Variants in ACTN1 observed in about 807,000 individuals in gnomAD.
ACTN1 encodes the protein actinin alpha 1.
ACTN1 carries 30 observed loss-of-function variants against 119.6 expected under a neutral mutation model. The observed-to-expected ratio is 0.25, with a 90% confidence interval of 0.19 to 0.34. The LOEUF is 0.34. ACTN1 is among the 10% of genes least tolerant of loss of function. The probability of loss-of-function intolerance (pLI) is 1.00; values close to 1 mark genes in which losing one functional copy is unlikely to be tolerated. For missense variants in ACTN1, 764 were observed against 1,223.4 expected, an observed-to-expected ratio of 0.62 and a Z score of 5.60; for synonymous variants, 429 against 472.6, an observed-to-expected ratio of 0.91 and a Z score of 1.20.
chr14:68,977,805 C>CCA (rs1555361568), intron 1 of ACTN1: 3 of 367,476 alleles, frequency 8.2e-6, no homozygotes, highest in Non-Finnish European at 1.6e-5. Context: ...TCCTGTCCCC[C>CCA]CCCCACCCAA....
chr14:68,889,722 T>G (rs2032324098), intron 11 of ACTN1, among the ~76,000 whole-genome samples: 1 of 152,202 alleles, frequency 6.6e-6, no homozygotes, highest in Admixed American at 6.5e-5. Flanking sequence ...AAGTGGAGGT[T>G]GCAGTGAGCT....
At chr14:68,908,009 T>C (rs1236187244) in intron 6 of ACTN1, among the ~76,000 whole-genome samples, 1 of 150,106 alleles carries the variant, frequency 6.7e-6, no homozygotes. Context: ...AGGAAGGTTC[T>C]CTTTTTTTTT....
At chr14:68,917,422 T>TG (rs948152649) in intron 3 of ACTN1, among the ~76,000 whole-genome samples, 28 of 152,248 alleles carry the variant, frequency 1.8e-4, no homozygotes, top group Non-Finnish European at 3.1e-4. Flanking sequence ...AAGACTTTGG[T>TG]GGGGGGTGAG....
At chr14:68,957,657 T>C (rs2036392489) in intron 1 of ACTN1, among the ~76,000 whole-genome samples, 4 of 152,138 alleles carry the variant, frequency 2.6e-5, no homozygotes, top group Admixed American at 2.0e-4. Flanking sequence ...ATGGTGGAGC[T>C]ACCCAGTAAC....
At chr14:68,889,792 AC>A (rs138057793) in intron 11 of ACTN1, among the ~76,000 whole-genome samples, 3 of 151,568 alleles carry the variant, frequency 2.0e-5, no homozygotes, top group South Asian at 2.1e-4. Context: ...TCAAAAAAAA[AC>A]CCCCATAAAA....
At chr14:68,918,699 T>C (rs767316314) in intron 3 of ACTN1, among the ~76,000 whole-genome samples, 68 of 150,936 alleles carry the variant, frequency 4.5e-4, no homozygotes, top group Non-Finnish European at 8.9e-4. Context: ...ATAGAGACCA[T>C]CCTGGCTAGC....
At chr14:68,917,416 C>A (rs2034361766) in intron 3 of ACTN1, among the ~76,000 whole-genome samples, 1 of 152,164 alleles carries the variant, frequency 6.6e-6, no homozygotes, top group South Asian at 2.1e-4. Flanking sequence ...CCTTCAAAGA[C>A]TTTGGTGGGG....
At position 68,884,327 on chromosome 14, in the gene ACTN1, G is replaced by A. The variant is rs1253269405; in HGVS notation, c.1495-19C>T. ...CGGTCCGCTGGGAGTGCCAAATAGGGTAAGGGTTAGTACAGTGATGTCCAG... is the reference window on the plus strand; with the variant it reads ...CGGTCCGCTGGGAGTGCCAAATAGGATAAGGGTTAGTACAGTGATGTCCAG... On this transcript the variant is annotated intron_variant, in intron 13 of 21. Transcript: ENST00000394419. 3 of 1,612,292 alleles carry A rather than the reference G, an allele frequency of 1.9e-6. No homozygotes were observed. The South Asian group carries it at 3.3e-5, about 18-fold the overall frequency.
intron 1 of ACTN1, among the ~76,000 whole-genome samples, chr14:68,926,919 G>A (rs924247832): frequency 6.6e-6 from 1 of 152,176 alleles, no homozygotes; most frequent in African/African-American, 2.4e-5. Flanking sequence ...AAAGGGAACA[G>A]GGGGACAGAA....
intron 11 of ACTN1, chr14:68,886,724 T>G: frequency 6.6e-6 from 1 of 151,212 alleles, no homozygotes; most frequent in South Asian, 2.1e-4. Flanking sequence ...AACCAGGGAG[T>G]CAGAGGTTGC....
At chr14:68,877,349 G>T in intron 20 of ACTN1, 109 bp from the exon 21 acceptor site, 2 of 1,378,248 alleles carry the variant, frequency 1.5e-6, no homozygotes, top group South Asian at 1.3e-5. Context: ...GGAAGAGAAG[G>T]GCACATCCCC....
intron 1 of ACTN1, among the ~76,000 whole-genome samples, chr14:68,964,478 G>A (rs1267778657): frequency 1.2e-4 from 19 of 152,138 alleles, no homozygotes; most frequent in Non-Finnish European, 2.9e-5. Context: ...CTCATGAGGG[G>A]CCTCCCTTCT....
chr14:68,972,329 A>G (rs1261866915), intron 1 of ACTN1, among the ~76,000 whole-genome samples: 1 of 152,126 alleles, frequency 6.6e-6, no homozygotes, highest in Non-Finnish European at 1.5e-5. Context: ...CCCCAGCTCT[A>G]AAAAGTGGGC....
intron 8 of ACTN1, among the ~76,000 whole-genome samples, chr14:68,894,114 G>T (rs1469476972): frequency 6.6e-6 from 1 of 152,182 alleles, no homozygotes; most frequent in Non-Finnish European, 1.5e-5. Flanking sequence ...AATTCCAAGT[G>T]GAGGCACTGG....
intron 1 of ACTN1, among the ~76,000 whole-genome samples, chr14:68,929,626 CGA>C (rs1351368743): frequency 3.3e-5 from 5 of 150,062 alleles, no homozygotes; most frequent in Non-Finnish European, 5.9e-5. Flanking sequence ...TCAGGGATGC[CGA>C]GAGGTCCCAG....
intron 1 of ACTN1, among the ~76,000 whole-genome samples, chr14:68,929,775 G>A (rs2035134109): frequency 1.3e-5 from 2 of 152,184 alleles, no homozygotes. Context: ...GGGACAGAGG[G>A]AGGGGCCGCA....
intron 2 of ACTN1, among the ~76,000 whole-genome samples, chr14:68,923,908 C>T (rs1435953636): frequency 6.6e-6 from 1 of 152,054 alleles, no homozygotes; most frequent in Admixed American, 6.5e-5. Flanking sequence ...AGCTGTAGGT[C>T]ATACATACAA....
chr14:68,883,102 T>G, intron 14 of ACTN1, 47 bp from the exon 15 acceptor site: 4 of 1,587,522 alleles, frequency 2.5e-6, no homozygotes, highest in Non-Finnish European at 3.4e-6. Context: ...AAGGGAGCGC[T>G]AGAAGTGAGT....
At position 68,884,269 on chromosome 14, in the gene ACTN1, A is replaced by G. The variant is rs765540192; in HGVS notation, c.1534T>C (p.Leu512=). ...KLLETIDQLY[L]EYAKRAAPFN... is the part of the protein sequence containing the mutation. ...GGTGCAGCCCGCTTGGCATACTCCA[A>G]GTACAGCTGGTCAATGGTCTCCAGC... Residue 512 remains leucine, a synonymous_variant, in exon 14 of 22, where the codon TTG becomes CTG. Coordinates refer to ENST00000394419, the MANE Select transcript of ACTN1 (RefSeq NM_001130004.2). 3.1e-6 allele frequency: 5 copies of G among 1,613,912 alleles called. No individual in the cohort carries two copies. Among genetic ancestry groups the G allele is most frequent in the South Asian group, 1.1e-5 (1 of 91,062 alleles).
Sources: allele counts gnomAD v4.1 joint callset (sites outside exome capture counted in the v4.1 genomes callset), GRCh38; gene constraint gnomAD v4.1.1; transcripts MANE v1.5; gene names NCBI Gene and HGNC (gene_info 2026-07-23, HGNC 2026-07-21).